Variants in PHKB observed in about 807,000 individuals in gnomAD.
PHKB encodes the protein phosphorylase kinase regulatory subunit beta, also known as phosphorylase b kinase regulatory subunit beta.
A neutral mutation model predicts 152.1 loss-of-function variants in PHKB; 122 were observed. That is an observed-to-expected ratio of 0.80 (90% confidence interval 0.69 to 0.93). The LOEUF (loss-of-function observed/expected upper bound fraction) is 0.93, where lower values mean the gene tolerates loss of function less well. PHKB is among the 40% of genes least tolerant of loss of function. PHKB has a pLI of 0.00. For synonymous variants in PHKB, 436 were observed against 464.9 expected (o/e 0.94, Z 0.80); for missense variants, 1,304 against 1,328.4 (o/e 0.98, Z 0.29).
intron 6 of PHKB, among the ~76,000 whole-genome samples, chr16:47,520,045 G>A (rs1303824708): frequency 6.6e-6 from 1 of 151,790 alleles, no homozygotes; most frequent in Non-Finnish European, 1.5e-5. Context: ...TCTACCTTTT[G>A]CTATGAGATG....
Position 47,525,345 on chromosome 16 carries a change from A to G in PHKB, c.594+9744A>G, listed in dbSNP as rs187985832. Among the ~76,000 whole-genome samples the G allele has an allele frequency of 5.2e-3, 795 of 152,350 alleles. 9 individuals are homozygous for G. Among genetic ancestry groups the G allele is most frequent in the Non-Finnish European group, 5.3e-3 (360 of 68,028 alleles). On this transcript the variant is annotated intron_variant, in intron 6 of 30. Transcript: ENST00000323584. ...GGGGTGGCTTTTTCTTCAATAAGGCAGAGCATTAAAAAGATAACTACTTTC... is the reference window on the plus strand; with the variant it reads ...GGGGTGGCTTTTTCTTCAATAAGGCGGAGCATTAAAAAGATAACTACTTTC...
At chr16:47,479,119 C>T (rs1477432181) in intron 1 of PHKB, among the ~76,000 whole-genome samples, 1 of 151,928 alleles carries the variant, frequency 6.6e-6, no homozygotes, top group East Asian at 1.9e-4. Flanking sequence ...CATTGACTGT[C>T]GGGGGAGTTA....
chr16:47,698,633 T>C (rs778450911), intron 30 of PHKB, 45 bp downstream of exon 30: 37 of 1,403,106 alleles, frequency 2.6e-5, no homozygotes, highest in Non-Finnish European at 3.3e-5. Flanking sequence ...GAGAATTTTT[T>C]CATTGTCTCA....
intron 6 of PHKB, among the ~76,000 whole-genome samples, chr16:47,542,379 A>G (rs1486534074): frequency 6.6e-6 from 1 of 152,142 alleles, no homozygotes; most frequent in African/African-American, 2.4e-5. Context: ...TGGTACCAGT[A>G]CCATGCTGTT....
chr16:47,562,244 G>A (rs1034175076), intron 7 of PHKB: 3 of 152,286 alleles, frequency 2.0e-5, no homozygotes, highest in Non-Finnish European at 4.4e-5. Flanking sequence ...ACCCACAGCT[G>A]GTAATCTTCA....
At chr16:47,598,357 ATT>A (rs1972160105) in intron 13 of PHKB, among the ~76,000 whole-genome samples, 1 of 152,144 alleles carries the variant, frequency 6.6e-6, no homozygotes, top group Non-Finnish European at 1.5e-5. Context: ...TTACTTTTTG[ATT>A]ATGGTCTCTG....
intron 6 of PHKB, among the ~76,000 whole-genome samples, chr16:47,518,276 A>G (rs1970630363): frequency 6.6e-6 from 1 of 152,246 alleles, no homozygotes; most frequent in Admixed American, 6.5e-5. Flanking sequence ...ATGTGCACAC[A>G]CACACACATA....
rs556536920 is a variant in PHKB at position 47,601,032 on chromosome 16, G to A, written c.1363+4501G>A. On this transcript the variant is annotated intron_variant, in intron 13 of 30. Coordinates refer to ENST00000323584, the MANE Select transcript of PHKB (RefSeq NM_000293.3). ...TTCTTAGTAGAGATGGGGTTTCACC[G>A]TGTTACCCAGGCTAGTCTCGAACTC... 5.3e-5 allele frequency among the ~76,000 whole-genome samples: 8 copies of A among 152,242 alleles called. No homozygotes were observed. In the South Asian group the frequency reaches 1.0e-3, roughly 20 times the overall value.
chr16:47,683,818 A>G (rs1175940618), intron 26 of PHKB, among the ~76,000 whole-genome samples: 1 of 152,198 alleles, frequency 6.6e-6, no homozygotes, highest in African/African-American at 2.4e-5. Flanking sequence ...CCAGTACCTC[A>G]GATGGAAATG....
At chr16:47,575,706 G>C (rs1196592608) in intron 7 of PHKB, among the ~76,000 whole-genome samples, 3 of 152,106 alleles carry the variant, frequency 2.0e-5, no homozygotes, top group Non-Finnish European at 2.9e-5. Flanking sequence ...GCCTGGAGAG[G>C]GTGGAAGGGT....
chr16:47,511,651 A>G lies in PHKB; in HGVS notation c.406-14A>G, dbSNP rs772452825. 1.3e-6 allele frequency: 2 copies of G among 1,544,768 alleles called. No individual in the cohort carries two copies. The highest frequency in any genetic ancestry group is 2.2e-5 in the South Asian group (2 of 89,656). On this transcript the variant is annotated splice_polypyrimidine_tract_variant and intron_variant, in intron 4 of 30. Transcript: ENST00000323584. ...TGAATTACTAATGTTGTTTAATTTT[A>G]TATTTCATTCTAGGTCCAGCAGTTT...
At chr16:47,493,553 A>C (rs1970185445) in intron 1 of PHKB, among the ~76,000 whole-genome samples, 2 of 152,224 alleles carry the variant, frequency 1.3e-5, no homozygotes, top group Admixed American at 6.5e-5. Flanking sequence ...AAGAGGCACC[A>C]TAAGCATTAA....
chr16:47,631,285 AG>A (rs1359225234), intron 14 of PHKB, among the ~76,000 whole-genome samples: 1 of 152,178 alleles, frequency 6.6e-6, no homozygotes, highest in African/African-American at 2.4e-5. Flanking sequence ...ATCACTGACT[AG>A]ATGTGTAACC....
At chr16:47,598,747 T>C in intron 13 of PHKB, 1 of 1,587,682 alleles carries the variant, frequency 6.3e-7, no homozygotes, top group South Asian at 1.1e-5. Context: ...ATTTAGTTCA[T>C]GTTCAGCCTA....
chr16:47,492,201 A>C (rs750012150), intron 1 of PHKB, among the ~76,000 whole-genome samples: 27 of 152,328 alleles, frequency 1.8e-4, no homozygotes, highest in Non-Finnish European at 3.4e-4. Flanking sequence ...CCTTGCTCCC[A>C]AGGATGTAAA....
At position 47,596,494 on chromosome 16, in the gene PHKB, T is replaced by A; in HGVS notation, c.1326T>A (p.Leu442=). ...SNCGRDGKLF[L]WGQALYIIAK... ...GTGGCCGTGATGGAAAACTGTTTCT[T>A]TGGGGACAAGCACTTTATATCATCG... The change falls in exon 13 of 31, where the codon CTT becomes CTA. Residue 442 remains leucine (L), a synonymous_variant. Transcript: ENST00000323584. 6.2e-7 allele frequency: 1 copy of A among 1,613,972 alleles called. No homozygotes were observed. The highest frequency in any genetic ancestry group is 2.2e-5 in the East Asian group (1 of 44,862).
chr16:47,543,719 T>G (rs894993436), intron 6 of PHKB, among the ~76,000 whole-genome samples: 15 of 152,200 alleles, frequency 9.9e-5, no homozygotes, highest in African/African-American at 3.6e-4. Context: ...TCTTCCTGGT[T>G]TAGTCATGGG....
At chr16:47,601,052 G>A (rs1274813524) in intron 13 of PHKB, among the ~76,000 whole-genome samples, 1 of 152,060 alleles carries the variant, frequency 6.6e-6, no homozygotes, top group Non-Finnish European at 1.5e-5. Flanking sequence ...GGCTAGTCTC[G>A]AACTCCTGAG....
chr16:47,582,562 C>A (rs562136357), intron 8 of PHKB, among the ~76,000 whole-genome samples: 1 of 152,228 alleles, frequency 6.6e-6, no homozygotes, highest in South Asian at 2.1e-4. Flanking sequence ...AGCTCTACTT[C>A]CAGGGATTCT....
Sources: gnomAD v4.1 joint callset for allele counts (sites outside exome capture counted in the v4.1 genomes callset) on GRCh38, gnomAD v4.1.1 for gene constraint, MANE v1.5 for transcripts, NCBI Gene and HGNC (gene_info 2026-07-23, HGNC 2026-07-21) for gene names.